Variants in HEATR3 observed in about 807,000 individuals in gnomAD.
HEATR3 encodes the protein HEAT repeat-containing protein 3.
In HEATR3, 56 loss-of-function variants were observed where a neutral mutation model predicts 72.8. That is an observed-to-expected ratio of 0.77 (90% CI 0.62 to 0.96). The LOEUF (loss-of-function observed/expected upper bound fraction) is 0.96. Ranked by LOEUF, HEATR3 falls within the 40% of genes least tolerant of loss-of-function variation. HEATR3 has a pLI of 0.00. For missense variants in HEATR3, 747 were observed against 831.4 expected (o/e 0.90, Z 1.25); for synonymous variants, 331 against 318.1 (o/e 1.04, Z -0.43).
At chr16:50,069,677 G>A (rs1014489342) in intron 3 of HEATR3, among the ~76,000 whole-genome samples, 4 of 152,194 alleles carry the variant, frequency 2.6e-5, no homozygotes, top group Non-Finnish European at 4.4e-5. Context: ...GGATTGAGAA[G>A]CCCTGCTTTA....
intron 11 of HEATR3, among the ~76,000 whole-genome samples, chr16:50,091,397 G>A (rs1331502876): frequency 6.6e-6 from 1 of 151,828 alleles, no homozygotes; most frequent in Non-Finnish European, 1.5e-5. Flanking sequence ...AACCCGGGAG[G>A]CAGAGGTTGC....
chr16:50,098,071 A>AT (rs997002065), intron 12 of HEATR3, among the ~76,000 whole-genome samples: 7 of 152,098 alleles, frequency 4.6e-5, no homozygotes, highest in African/African-American at 1.7e-4. Context: ...GGAAATAGGC[A>AT]TTTTTTTAGG....
chr16:50,075,215 A>G (rs1267505535), intron 5 of HEATR3, among the ~76,000 whole-genome samples: 1 of 151,444 alleles, frequency 6.6e-6, no homozygotes, highest in East Asian at 2.0e-4. Context: ...TACCTGAGAG[A>G]CTGAGGCACA....
intron 4 of HEATR3, among the ~76,000 whole-genome samples, chr16:50,071,086 C>G (rs2036600523): frequency 6.6e-6 from 1 of 152,212 alleles, no homozygotes; most frequent in Non-Finnish European, 1.5e-5. Context: ...AAGAAGGCCA[C>G]TCTCCATTCT....
chr16:50,102,972 AG>A (rs1171404276), intron 14 of HEATR3, among the ~76,000 whole-genome samples: 2 of 152,162 alleles, frequency 1.3e-5, no homozygotes, highest in African/African-American at 4.8e-5. Context: ...CTTGTCATCC[AG>A]GCTGGTCTCG....
chr16:50,094,500 G>A (rs988496289), intron 11 of HEATR3, among the ~76,000 whole-genome samples: 2 of 152,154 alleles, frequency 1.3e-5, no homozygotes, highest in South Asian at 4.1e-4. Flanking sequence ...TTTTAACCAC[G>A]ATCATCTTTC....
chr16:50,100,534 T>G, intron 13 of HEATR3, 161 bp downstream of exon 13: 1 of 625,358 alleles, frequency 1.6e-6, no homozygotes. Flanking sequence ...TGGCTTGATC[T>G]AACTATGTGT....
chr16:50,079,243 G>A (rs2036813265), intron 7 of HEATR3, among the ~76,000 whole-genome samples: 1 of 152,152 alleles, frequency 6.6e-6, no homozygotes, highest in Admixed American at 6.6e-5. Context: ...TGCAGGAGAA[G>A]GTTTCAGAGA....
At chr16:50,073,034 G>A (rs950994772) in intron 5 of HEATR3, 7 of 261,832 alleles carry the variant, frequency 2.7e-5, no homozygotes, top group East Asian at 2.3e-4. Context: ...AAACAGTAAC[G>A]CACAACTACC....
intron 3 of HEATR3, 151 bp downstream of exon 3, chr16:50,069,018 T>A: frequency 3.3e-6 from 2 of 607,058 alleles, no homozygotes; most frequent in Non-Finnish European, 5.9e-6. Context: ...GCTCTCATTA[T>A]TGATACTAAT....
At chr16:50,095,200 G>C (rs1167303956) in intron 12 of HEATR3, among the ~76,000 whole-genome samples, 3 of 151,312 alleles carry the variant, frequency 2.0e-5, no homozygotes, top group African/African-American at 7.3e-5. Flanking sequence ...TGCAACCTCT[G>C]CCTCCTGGGT....
intron 14 of HEATR3, 107 bp from the exon 15 acceptor site, chr16:50,104,832 C>CT: frequency 1.0e-6 from 1 of 997,680 alleles, no homozygotes; most frequent in Non-Finnish European, 1.4e-6. Flanking sequence ...ATTCTTACAG[C>CT]TATCTGCTTC....
At chr16:50,069,932 T>C (rs1192099667) in intron 3 of HEATR3, among the ~76,000 whole-genome samples, 1 of 152,264 alleles carries the variant, frequency 6.6e-6, no homozygotes, top group African/African-American at 2.4e-5. Context: ...GAAGGCGCTA[T>C]GTAATAAACA....
chr16:50,104,170 T>C (rs1386683074), intron 14 of HEATR3, among the ~76,000 whole-genome samples: 1 of 152,036 alleles, frequency 6.6e-6, no homozygotes, highest in Non-Finnish European at 1.5e-5. Context: ...GGCAACATAG[T>C]GAGACCCCAC....
chr16:50,066,845 G>A (rs752193559), intron 2 of HEATR3: 10 of 322,466 alleles, frequency 3.1e-5, no homozygotes, highest in Non-Finnish European at 5.6e-5. Flanking sequence ...GAACTCTTCA[G>A]TTCATGTGTC....
At chr16:50,095,044 T>C (rs2037202688) in intron 12 of HEATR3, among the ~76,000 whole-genome samples, 1 of 152,150 alleles carries the variant, frequency 6.6e-6, no homozygotes, top group African/African-American at 2.4e-5. Context: ...GCAAAACAAG[T>C]GCTTTTTAAT....
At chr16:50,073,885 A>G (rs1344053938) in intron 5 of HEATR3, 1 of 152,236 alleles carries the variant, frequency 6.6e-6, no homozygotes, top group Non-Finnish European at 1.5e-5. Context: ...TTTAAAATAC[A>G]TTATTACTTT....
Position 50,100,259 on chromosome 16 carries a change from A to T in HEATR3, c.1629A>T (p.Leu543Phe), listed in dbSNP as rs1298225980. 2 of 1,613,882 alleles carry T rather than the reference A, an allele frequency of 1.2e-6. No individual in the cohort carries two copies. Among genetic ancestry groups the T allele is most frequent in the African/African-American group, 2.7e-5 (2 of 74,940 alleles). Residue 543 changes from leucine (L) to phenylalanine (F), a missense_variant, in exon 13 of 15, where the codon TTA (leucine) becomes TTT (phenylalanine). Physicochemically the swap from Leu to Phe is conservative, Grantham distance 22. Coordinates refer to ENST00000299192, the MANE Select transcript of HEATR3 (RefSeq NM_182922.4). ...QCMTPDQLMT[L>F]CKAGIHSSNV... is the part of the protein sequence containing the mutation. ...TGACTCCTGATCAGCTGATGACATT[A>T]TGCAAAGCAGGCATTCATAGTAGTA...
intron 4 of HEATR3, among the ~76,000 whole-genome samples, chr16:50,070,662 A>G (rs1473829842): frequency 6.6e-6 from 1 of 152,098 alleles, no homozygotes; most frequent in Non-Finnish European, 1.5e-5. Context: ...AGATCGTGCC[A>G]CTGCACTCCA....
Sources: allele counts gnomAD v4.1 joint callset (sites outside exome capture counted in the v4.1 genomes callset), GRCh38; gene constraint gnomAD v4.1.1; transcripts MANE v1.5; gene names NCBI Gene and HGNC (gene_info 2026-07-23, HGNC 2026-07-21).